CARMIL1: variants seen among roughly 807,000 people sequenced by gnomAD.
CARMIL1 encodes F-actin-uncapping protein LRRC16A.
Under a neutral mutation model 177.1 loss-of-function variants are expected in CARMIL1, and 90 were observed. That is an observed-to-expected ratio of 0.51 (90% CI 0.43 to 0.61). The LOEUF (loss-of-function observed/expected upper bound fraction) is 0.61. CARMIL1 is among the 20% of genes least tolerant of loss of function. CARMIL1 has a pLI of 0.00. For synonymous variants in CARMIL1, 577 were observed against 606.2 expected (o/e 0.95, Z 0.71); for missense variants, 1,380 against 1,667.0 (o/e 0.83, Z 3.00).
chr6:25,537,300 A>G (rs1348903313), intron 24 of CARMIL1, among the ~76,000 whole-genome samples: 3 of 152,230 alleles, frequency 2.0e-5, no homozygotes, highest in Non-Finnish European at 4.4e-5. Flanking sequence ...TTAATTTACA[A>G]AGAAAAATAC....
At chr6:25,334,291 A>G (rs1785993847) in intron 2 of CARMIL1, among the ~76,000 whole-genome samples, 1 of 152,238 alleles carries the variant, frequency 6.6e-6, no homozygotes, top group Admixed American at 6.5e-5. Flanking sequence ...TTAAAAATAT[A>G]TTCGGATTCA....
At chr6:25,545,335 G>A (rs1311998903) in intron 26 of CARMIL1, among the ~76,000 whole-genome samples, 12 of 152,144 alleles carry the variant, frequency 7.9e-5, no homozygotes, top group South Asian at 2.1e-4. Flanking sequence ...GGTATCACCA[G>A]AGAGAAACAG....
At chr6:25,569,877 T>C (rs1462242696) in intron 29 of CARMIL1, among the ~76,000 whole-genome samples, 2 of 152,050 alleles carry the variant, frequency 1.3e-5, no homozygotes, top group African/African-American at 4.8e-5. Flanking sequence ...TCCCCTTTGT[T>C]TATGTTTTCA....
chr6:25,470,199 C>T (rs937047669), intron 9 of CARMIL1, among the ~76,000 whole-genome samples: 5 of 151,984 alleles, frequency 3.3e-5, no homozygotes, highest in Admixed American at 1.3e-4. Flanking sequence ...ATTTATGCTC[C>T]AGTAGGAACA....
intron 2 of CARMIL1, among the ~76,000 whole-genome samples, chr6:25,365,365 T>C (rs936741251): frequency 6.6e-6 from 1 of 152,210 alleles, no homozygotes; most frequent in African/African-American, 2.4e-5. Context: ...CTCTGGTTGC[T>C]CTGGTGCTAA....
chr6:25,380,184 A>G (rs904068658), intron 2 of CARMIL1, among the ~76,000 whole-genome samples: 1 of 152,226 alleles, frequency 6.6e-6, no homozygotes, highest in Non-Finnish European at 1.5e-5. Flanking sequence ...TCTTGTAAAT[A>G]ACTTTAGCTT....
rs764482077 is a variant in CARMIL1, at chr6:25,482,264, C to G, written c.882C>G (p.Ser294=). 1 of 1,562,642 alleles carries G rather than the reference C, an allele frequency of 6.4e-7. No individual in the cohort carries two copies. The highest frequency in any genetic ancestry group is 1.2e-5 in the South Asian group (1 of 85,518). The change falls in exon 12 of 37, where the codon TCC becomes TCG. Residue 294 remains serine, a synonymous_variant. Coordinates refer to ENST00000329474, the MANE Select transcript of CARMIL1 (RefSeq NM_017640.6). ...TTCTTTTTCCTTTCTCAGGTGTGTCCTCTTTAAGTATTCAATTTGCCAAAC... is the reference window on the plus strand; with the variant it reads ...TTCTTTTTCCTTTCTCAGGTGTGTCGTCTTTAAGTATTCAATTTGCCAAAC... ...AGNPLEDRGV[S]SLSIQFAKLP...
At chr6:25,498,174 G>T (rs1803930415) in intron 16 of CARMIL1, among the ~76,000 whole-genome samples, 2 of 152,026 alleles carry the variant, frequency 1.3e-5, no homozygotes. Flanking sequence ...CCATCTTTCT[G>T]GCTGAGTATT....
intron 4 of CARMIL1, among the ~76,000 whole-genome samples, chr6:25,431,641 T>G (rs377561403): frequency 3.9e-5 from 6 of 152,118 alleles, no homozygotes; most frequent in African/African-American, 1.4e-4. Context: ...GCCAAGGTTA[T>G]GTTCGAAATA....
chr6:25,341,035 G>C (rs569611109), intron 2 of CARMIL1, among the ~76,000 whole-genome samples: 19 of 152,234 alleles, frequency 1.2e-4, no homozygotes, highest in Middle Eastern at 3.4e-3. Flanking sequence ...GGGACTGGCA[G>C]TGATCTTAGC....
At chr6:25,592,149 A>T (rs891517839) in intron 31 of CARMIL1, among the ~76,000 whole-genome samples, 1 of 152,080 alleles carries the variant, frequency 6.6e-6, no homozygotes, top group Non-Finnish European at 1.5e-5. Flanking sequence ...ATCTTTCTTC[A>T]TCCATCAATC....
chr6:25,432,038 C>T lies in CARMIL1; in HGVS notation c.250-3445C>T, dbSNP rs144844730. On this transcript the variant is annotated intron_variant, in intron 4 of 36. Transcript: ENST00000329474. ...TTAAAAATATACTTTCAGCAGTACC[C>T]TTCTCTCTGTCACATCATACTTCCT... Among the ~76,000 whole-genome samples, 786 of 152,260 alleles carry T rather than the reference C, an allele frequency of 5.2e-3. 8 individuals are homozygous for T. Among genetic ancestry groups the T allele is most frequent in the African/African-American group, 0.018 (742 of 41,556 alleles).
chr6:25,381,398 G>A (rs928074138), intron 2 of CARMIL1, among the ~76,000 whole-genome samples: 1 of 152,074 alleles, frequency 6.6e-6, no homozygotes, highest in African/African-American at 2.4e-5. Context: ...CCAATTCTTC[G>A]ACTCTGACAC....
chr6:25,607,214 GT>G lies in CARMIL1; in HGVS notation c.3847+953del, dbSNP rs3034232. On this transcript the variant is annotated intron_variant, in intron 35 of 36. Coordinates refer to ENST00000329474, the MANE Select transcript of CARMIL1 (RefSeq NM_017640.6). ...AACACCACACACACACACACATTAGGTTTTTTTTTTTTAATTTAACTTACCA... is the reference window on the plus strand; with the variant it reads ...AACACCACACACACACACACATTAGGTTTTTTTTTTTAATTTAACTTACCA... 8.3e-3 allele frequency among the ~76,000 whole-genome samples: 1,222 copies of G among 146,826 alleles called. 10 individuals are homozygous for G. The highest frequency in any genetic ancestry group is 0.022 in the African/African-American group (881 of 40,124).
At chr6:25,356,823 A>G (rs1788671416) in intron 2 of CARMIL1, among the ~76,000 whole-genome samples, 1 of 152,196 alleles carries the variant, frequency 6.6e-6, no homozygotes, top group Admixed American at 6.5e-5. Context: ...GCAGGCAGGC[A>G]CCCTGGCAGT....
intron 10 of CARMIL1, among the ~76,000 whole-genome samples, chr6:25,471,585 A>T (rs983779080): frequency 6.6e-6 from 1 of 152,180 alleles, no homozygotes; most frequent in Non-Finnish European, 1.5e-5. Context: ...TAAAATGGGG[A>T]TAATAATAAT....
intron 12 of CARMIL1, among the ~76,000 whole-genome samples, chr6:25,487,513 C>T (rs1802783646): frequency 6.6e-6 from 1 of 152,104 alleles, no homozygotes; most frequent in South Asian, 2.1e-4. Context: ...TAAGAAATAG[C>T]CATATTTCTA....
chr6:25,289,461 A>G lies in CARMIL1; in HGVS notation c.138+4552A>G, dbSNP rs554793190. ...TCAGATAATTCAGAGAGGTTATCTT[A>G]TGCCCTTTATTTAGTTTTCCCTTTT... On this transcript the variant is annotated intron_variant, in intron 2 of 36. Transcript: ENST00000329474. Among the ~76,000 whole-genome samples the G allele has an allele frequency of 2.0e-5, 3 of 152,314 alleles. No individual in the cohort carries two copies. In the East Asian group the frequency reaches 5.8e-4, roughly 29 times the overall value.
chr6:25,293,098 T>C (rs1165615227), intron 2 of CARMIL1, among the ~76,000 whole-genome samples: 1 of 146,170 alleles, frequency 6.8e-6, no homozygotes, highest in African/African-American at 2.8e-5. Flanking sequence ...CTTTCTAAAA[T>C]GCTTTTTTTT....
Sources: allele counts gnomAD v4.1 joint callset (sites outside exome capture counted in the v4.1 genomes callset), GRCh38; gene constraint gnomAD v4.1.1; transcripts MANE v1.5; gene names NCBI Gene and HGNC (gene_info 2026-07-23, HGNC 2026-07-21).